Variants in SGMS1 observed in about 807,000 individuals in gnomAD.
SGMS1 encodes the protein phosphatidylcholine:ceramide cholinephosphotransferase 1.
Under a neutral mutation model 46.2 loss-of-function variants are expected in SGMS1, and 13 were observed. The observed-to-expected ratio is 0.28, with a 90% CI of 0.18 to 0.45. SGMS1 has a LOEUF of 0.45. SGMS1 is among the 20% of genes least tolerant of loss of function. The pLI is 1.00. For synonymous variants in SGMS1, 203 were observed against 187.8 expected (o/e 1.08, Z -0.66); for missense variants, 324 against 519.9 (o/e 0.62, Z 3.66).
chr10:50,475,407 A>C (rs1360127781), intron 3 of SGMS1, among the ~76,000 whole-genome samples: 1 of 152,208 alleles, frequency 6.6e-6, no homozygotes, highest in South Asian at 2.1e-4. Context: ...TTATGTCTGC[A>C]TGCAATATGC....
intron 8 of SGMS1, among the ~76,000 whole-genome samples, chr10:50,316,516 T>C (rs1373393323): frequency 6.6e-6 from 1 of 152,170 alleles, no homozygotes; most frequent in Non-Finnish European, 1.5e-5. Context: ...ACTTGATACA[T>C]ACAAAGGAAC....
rs531752064 is a variant in SGMS1, at chr10:50,541,007, GGATGACAGCATGGAA to G, written c.-588-21101_-588-21087del. On this transcript the variant is annotated intron_variant, in intron 2 of 10. Coordinates refer to ENST00000361781, the MANE Select transcript of SGMS1 (RefSeq NM_147156.4). ...AACTTGGTTTGGGAAAGAATACAGGGGATGACAGCATGGAAGACCAAGATTCAGCTCTGATTGAAG... is the reference window on the plus strand; with the variant it reads ...AACTTGGTTTGGGAAAGAATACAGGGGACCAAGATTCAGCTCTGATTGAAG... Among the ~76,000 whole-genome samples the G allele has an allele frequency of 2.0e-5, 3 of 152,200 alleles. No homozygotes were observed. The South Asian group carries it at 6.2e-4, about 32-fold the overall frequency.
chr10:50,613,336 T>C (rs146370065), intron 1 of SGMS1, among the ~76,000 whole-genome samples: 2 of 152,204 alleles, frequency 1.3e-5, no homozygotes, highest in South Asian at 2.1e-4. Flanking sequence ...GATGACATCA[T>C]CTGTGGACAT....
chr10:50,535,347 A>G (rs913786915), intron 2 of SGMS1, among the ~76,000 whole-genome samples: 5 of 152,078 alleles, frequency 3.3e-5, no homozygotes, highest in Non-Finnish European at 7.4e-5. Flanking sequence ...ATGCTGCTGC[A>G]AGTATTTCCT....
At chr10:50,527,151 C>T (rs1006341696) in intron 2 of SGMS1, among the ~76,000 whole-genome samples, 7 of 151,702 alleles carry the variant, frequency 4.6e-5, no homozygotes, top group Non-Finnish European at 7.4e-5. Context: ...CCACAGCCAT[C>T]CACTCCGTAA....
chr10:50,518,421 A>AGTTT (rs985998431), intron 3 of SGMS1, among the ~76,000 whole-genome samples: 19 of 152,230 alleles, frequency 1.2e-4, no homozygotes, highest in South Asian at 4.2e-4. Flanking sequence ...AAATGTTTTT[A>AGTTT]GTTTGTTTGT....
In SGMS1 at chr10:50,441,979, A is replaced by G. The variant is rs191952966; in HGVS notation, c.-312-8423T>C. On this transcript the variant is annotated intron_variant, in intron 5 of 10. Transcript: ENST00000361781. Reference sequence around the variant, plus strand: ...CTAACTTTGTCATTTGATCTTTCCTATCACCCTCCAAAGGCAATGTTTCTC... The same window carrying G: ...CTAACTTTGTCATTTGATCTTTCCTGTCACCCTCCAAAGGCAATGTTTCTC... Among the ~76,000 whole-genome samples the G allele has an allele frequency of 2.6e-5, 4 of 152,322 alleles. No individual in the cohort carries two copies. In the East Asian group the frequency reaches 5.8e-4, roughly 22 times the overall value.
chr10:50,440,283 T>C (rs1849526797), intron 5 of SGMS1, among the ~76,000 whole-genome samples: 1 of 150,568 alleles, frequency 6.6e-6, no homozygotes, highest in Non-Finnish European at 1.5e-5. Context: ...AAAATATATA[T>C]ATATATATAT....
At chr10:50,308,230 GA>G (rs1847204596) in intron 9 of SGMS1, 82 bp from the exon 10 acceptor site, 1 of 1,231,672 alleles carries the variant, frequency 8.1e-7, no homozygotes, top group Non-Finnish European at 1.1e-6. Flanking sequence ...TAATGCTTCT[GA>G]ATCCAATTAC....
chr10:50,411,982 A>G (rs1849106967), intron 6 of SGMS1, among the ~76,000 whole-genome samples: 1 of 152,210 alleles, frequency 6.6e-6, no homozygotes, highest in Admixed American at 6.5e-5. Flanking sequence ...TCTGAGAAGT[A>G]TGTTTTCATC....
intron 2 of SGMS1, among the ~76,000 whole-genome samples, chr10:50,577,644 T>C (rs886709904): frequency 1.8e-4 from 27 of 152,244 alleles, no homozygotes; most frequent in African/African-American, 6.5e-4. Flanking sequence ...AGGAACTTTC[T>C]ATATTTAGGA....
chr10:50,408,154 T>C lies in SGMS1; in HGVS notation c.-232+25322A>G, dbSNP rs74911871. On this transcript the variant is annotated intron_variant, in intron 6 of 10. Transcript: ENST00000361781. ...TCGCATGTGGCTAGTGCCTATTGTA[T>C]TGGACATCAAAGGTCTGGCATATGG... is the stretch of plus-strand genomic sequence containing the variant. Among the ~76,000 whole-genome samples the C allele has an allele frequency of 9.6e-3, 1,465 of 152,294 alleles. 29 individuals are homozygous for C. Among genetic ancestry groups the C allele is most frequent in the African/African-American group, 0.034 (1,394 of 41,562 alleles).
At chr10:50,502,374 C>G (rs1329537845) in intron 3 of SGMS1, among the ~76,000 whole-genome samples, 1 of 151,724 alleles carries the variant, frequency 6.6e-6, no homozygotes, top group African/African-American at 2.4e-5. Flanking sequence ...CAGGCTCCTC[C>G]CTAACTGAGC....
Position 50,322,874 on chromosome 10 carries a change from G to C in SGMS1, c.741+4331C>G, listed in dbSNP as rs1403704195. On this transcript the variant is annotated intron_variant, in intron 8 of 10. Transcript: ENST00000361781. ...AAAAAAAAAAAAAAAGATGAGAAGA[G>C]GTTGTTTTCAGGATGGAACACACGG... Among the ~76,000 whole-genome samples, 2 of 151,090 alleles carry C rather than the reference G, an allele frequency of 1.3e-5. 1 individual carries two copies. Among genetic ancestry groups the C allele is most frequent in the African/African-American group, 4.9e-5 (2 of 41,088 alleles).
chr10:50,505,109 G>A (rs1185137194), intron 3 of SGMS1, among the ~76,000 whole-genome samples: 3 of 152,172 alleles, frequency 2.0e-5, no homozygotes, highest in African/African-American at 7.2e-5. Context: ...CCAGCTACTT[G>A]GGAGGGTGAG....
At chr10:50,573,199 T>A (rs1371847130) in intron 2 of SGMS1, among the ~76,000 whole-genome samples, 1 of 152,158 alleles carries the variant, frequency 6.6e-6, no homozygotes, top group East Asian at 1.9e-4. Context: ...CCACACTCAC[T>A]ACTTCTATTC....
chr10:50,430,470 CA>C (rs10625082), intron 6 of SGMS1, among the ~76,000 whole-genome samples: 30 of 136,244 alleles, frequency 2.2e-4, no homozygotes, highest in South Asian at 2.3e-4. Context: ...TGGCAGAATA[CA>C]AAAAAAAAAA....
intron 3 of SGMS1, among the ~76,000 whole-genome samples, chr10:50,499,398 G>A (rs1837642870): frequency 1.3e-5 from 2 of 152,132 alleles, no homozygotes; most frequent in South Asian, 4.1e-4. Flanking sequence ...ATGATGATAA[G>A]GAGGAGGAAA....
At chr10:50,495,845 G>A (rs747134795) in intron 3 of SGMS1, among the ~76,000 whole-genome samples, 122 of 152,064 alleles carry the variant, frequency 8.0e-4, no homozygotes, top group Non-Finnish European at 1.3e-3. Flanking sequence ...AACATATATG[G>A]AAAAATACAT....
Sources: gnomAD v4.1 joint callset for allele counts (sites outside exome capture counted in the v4.1 genomes callset) on GRCh38, gnomAD v4.1.1 for gene constraint, MANE v1.5 for transcripts, NCBI Gene and HGNC (gene_info 2026-07-23, HGNC 2026-07-21) for gene names.